Variants in CRISPLD2 observed in about 807,000 individuals in gnomAD.
The protein encoded by CRISPLD2 is cysteine-rich secretory protein LCCL domain-containing 2.
In CRISPLD2, 47 loss-of-function variants were observed where a neutral mutation model predicts 71.1. The observed-to-expected ratio is 0.66, with a 90% CI of 0.52 to 0.84. The LOEUF (loss-of-function observed/expected upper bound fraction) is 0.84. CRISPLD2 is among the 40% of genes least tolerant of loss of function. CRISPLD2 has a pLI of 0.00. For synonymous variants in CRISPLD2, 317 were observed against 250.1 expected (o/e 1.27, Z -2.52); for missense variants, 830 against 651.1 (o/e 1.27, Z -2.99).
chr16:84,853,928 C>G (rs754240994), intron 5 of CRISPLD2, among the ~76,000 whole-genome samples: 1 of 152,246 alleles, frequency 6.6e-6, no homozygotes, highest in Non-Finnish European at 1.5e-5. Flanking sequence ...TCTTCACAGC[C>G]CAGGAGCCGC....
chr16:84,896,944 C>T (rs928236572), intron 14 of CRISPLD2, among the ~76,000 whole-genome samples: 3 of 152,208 alleles, frequency 2.0e-5, no homozygotes, highest in South Asian at 2.1e-4. Flanking sequence ...GAACCAGAAC[C>T]GGCCGTCCAC....
At chr16:84,879,981 C>T (rs1372354851) in intron 12 of CRISPLD2, among the ~76,000 whole-genome samples, 2 of 152,162 alleles carry the variant, frequency 1.3e-5, no homozygotes, top group African/African-American at 4.8e-5. Flanking sequence ...TTCCTCATGC[C>T]CTGGAGGATC....
At chr16:84,887,540 A>T (rs2071623774) in intron 13 of CRISPLD2, among the ~76,000 whole-genome samples, 1 of 152,242 alleles carries the variant, frequency 6.6e-6, no homozygotes, top group Non-Finnish European at 1.5e-5. Context: ...CCTGTTGTCC[A>T]GACACTTATG....
intron 2 of CRISPLD2, chr16:84,839,157 G>A: frequency 2.8e-6 from 1 of 356,760 alleles, no homozygotes; most frequent in Non-Finnish European, 5.5e-6. Flanking sequence ...AAAGTGCTAG[G>A]ATTATAGGCA....
intron 6 of CRISPLD2, among the ~76,000 whole-genome samples, chr16:84,860,709 C>T (rs1323504593): frequency 2.0e-5 from 3 of 152,168 alleles, no homozygotes; most frequent in African/African-American, 7.2e-5. Context: ...AGGGTCCTCC[C>T]ACACTTCCCC....
intron 14 of CRISPLD2, 72 bp from the exon 15 acceptor site, chr16:84,906,516 T>G (rs2071803681): frequency 1.3e-6 from 2 of 1,547,856 alleles, no homozygotes; most frequent in African/African-American, 2.7e-5. Context: ...CAGGTCTCCC[T>G]GCCCACCCAG....
chr16:84,857,234 A>G (rs916102468), intron 6 of CRISPLD2, among the ~76,000 whole-genome samples: 1 of 152,216 alleles, frequency 6.6e-6, no homozygotes, highest in Non-Finnish European at 1.5e-5. Flanking sequence ...TACTTTGTTC[A>G]TGGGCCCATT....
At chr16:84,871,885 A>C (rs1229391641) in intron 8 of CRISPLD2, among the ~76,000 whole-genome samples, 1 of 109,022 alleles carries the variant, frequency 9.2e-6, no homozygotes, top group Non-Finnish European at 2.1e-5. Flanking sequence ...AAAAAAAAAA[A>C]AAAAAAAAAA....
At chr16:84,894,554 G>A (rs992490257) in intron 14 of CRISPLD2, among the ~76,000 whole-genome samples, 2 of 152,182 alleles carry the variant, frequency 1.3e-5, no homozygotes, top group East Asian at 1.9e-4. Flanking sequence ...CCTCATAGGG[G>A]TGTGGTCTGC....
At chr16:84,848,204 G>A (rs1045577260) in intron 3 of CRISPLD2, among the ~76,000 whole-genome samples, 2 of 152,210 alleles carry the variant, frequency 1.3e-5, no homozygotes, top group Non-Finnish European at 2.9e-5. Flanking sequence ...GGAAGCGGAT[G>A]AGTGGCCAGC....
intron 14 of CRISPLD2, among the ~76,000 whole-genome samples, chr16:84,899,445 C>A (rs2071734346): frequency 2.0e-5 from 3 of 152,196 alleles, no homozygotes; most frequent in South Asian, 4.1e-4. Flanking sequence ...ACACGTACAA[C>A]TACCAACTTC....
Position 84,909,408 on chromosome 16 carries a change from G to C in CRISPLD2, c.*2766G>C, listed in dbSNP as rs1015520081. ...TTGCATGAACAGGGGCCACGTTGTTGCAATTGTTTCAGTAGAACTGGTTTG... is the reference window on the plus strand; with the variant it reads ...TTGCATGAACAGGGGCCACGTTGTTCCAATTGTTTCAGTAGAACTGGTTTG... On this transcript the variant is annotated 3_prime_UTR_variant, in exon 15 of 15. Transcript: ENST00000262424. 2.0e-5 allele frequency: 3 copies of C among 152,628 alleles called. No individual in the cohort carries two copies. Among genetic ancestry groups the C allele is most frequent in the African/African-American group, 7.2e-5 (3 of 41,448 alleles). The allele number at this position is 152,628 out of a possible 1,614,324, so 9.5% of individuals were successfully genotyped here.
At chr16:84,856,593 C>G (rs1028280762) in intron 6 of CRISPLD2, among the ~76,000 whole-genome samples, 1 of 152,158 alleles carries the variant, frequency 6.6e-6, no homozygotes, top group Non-Finnish European at 1.5e-5. Context: ...CACTTCCACC[C>G]CTTAATTCCT....
chr16:84,861,850 A>T (rs140933765), intron 6 of CRISPLD2, among the ~76,000 whole-genome samples: 115 of 152,302 alleles, frequency 7.6e-4, no homozygotes, highest in African/African-American at 2.6e-3. Context: ...AGATCGCTTG[A>T]GTCCAGGAGT....
At chr16:84,874,754 G>T (rs138051021) in intron 11 of CRISPLD2, among the ~76,000 whole-genome samples, 7 of 152,248 alleles carry the variant, frequency 4.6e-5, no homozygotes, top group African/African-American at 1.7e-4. Flanking sequence ...TTTAAACACG[G>T]AGTGGAACAT....
intron 6 of CRISPLD2, among the ~76,000 whole-genome samples, chr16:84,856,842 T>G (rs1239838408): frequency 3.3e-5 from 5 of 152,220 alleles, no homozygotes; most frequent in African/African-American, 4.8e-5. Context: ...CCACACTTTT[T>G]TAGCCATAAA....
chr16:84,895,380 A>C (rs1014722690), intron 14 of CRISPLD2, among the ~76,000 whole-genome samples: 2 of 152,180 alleles, frequency 1.3e-5, no homozygotes, highest in East Asian at 3.8e-4. Flanking sequence ...TTGAATGCCA[A>C]GATATACTTG....
intron 14 of CRISPLD2, among the ~76,000 whole-genome samples, chr16:84,895,916 C>T (rs111749731): frequency 2.4e-3 from 368 of 152,146 alleles, no homozygotes; most frequent in African/African-American, 8.6e-3. Flanking sequence ...AACTGAGGCT[C>T]AGAGAAAAGG....
chr16:84,831,458 A>T (rs1431852718), intron 1 of CRISPLD2, among the ~76,000 whole-genome samples: 1 of 152,184 alleles, frequency 6.6e-6, no homozygotes, highest in Non-Finnish European at 1.5e-5. Context: ...GCTGGAAAGC[A>T]GTAGCACGAT....
Sources: allele counts gnomAD v4.1 joint callset (sites outside exome capture counted in the v4.1 genomes callset), GRCh38; gene constraint gnomAD v4.1.1; transcripts MANE v1.5; gene names NCBI Gene and HGNC (gene_info 2026-07-23, HGNC 2026-07-21).